The following HSF5 variants were observed in gnomAD, a reference collection of about 807,000 sequenced individuals.
HSF5 encodes heat shock transcription factor 5, also known as heat shock factor protein 5.
A neutral mutation model predicts 50.8 loss-of-function variants in HSF5; 5 were observed. The observed-to-expected ratio is 0.10, with a 90% CI of 0.05 to 0.21. HSF5 has a LOEUF of 0.21. Ranked by LOEUF, HSF5 falls within the 10% of genes least tolerant of loss-of-function variation. The pLI is 1.00. For synonymous variants in HSF5, 307 were observed against 307.4 expected, an observed-to-expected ratio of 1.00 and a Z score of 0.02; for missense variants, 564 against 762.6, an observed-to-expected ratio of 0.74 and a Z score of 3.07.
rs369874522 is a variant in HSF5, at chr17:58,487,855, G to A, written c.420C>T (p.Ala140=). 4.3e-4 allele frequency: 692 copies of A among 1,596,324 alleles called. No individual in the cohort carries two copies. The highest frequency in any genetic ancestry group is 5.3e-4 in the Non-Finnish European group (628 of 1,176,048). Residue 140 remains alanine (A), a synonymous_variant, in exon 1 of 6, where the codon GCC becomes GCT. Transcript: ENST00000323777. ...LTSANKAKLA[A]GLEVPCRPPN... is the part of the protein sequence containing the mutation. The stretch of plus-strand genomic sequence containing the variant: ...GCGGGCGGCAGGGCACCTCCAGGCC[G>A]GCCGCCAGCTTGGCCTTGTTGGCGC...
At chr17:58,478,120 T>C (rs1014346336) in intron 2 of HSF5, among the ~76,000 whole-genome samples, 1 of 151,926 alleles carries the variant, frequency 6.6e-6, no homozygotes, top group African/African-American at 2.4e-5. Context: ...GCCACTGCTG[T>C]TGTGTTTTTG....
intron 2 of HSF5, among the ~76,000 whole-genome samples, chr17:58,471,448 G>C (rs141233111): frequency 6.6e-6 from 1 of 152,058 alleles, no homozygotes; most frequent in African/African-American, 2.4e-5. Flanking sequence ...AGGATTAGAA[G>C]CATAAAGATC....
rs71143248 is a variant in HSF5, at chr17:58,450,022, C to CAA, written c.1720+8744_1720+8745dup. Among the ~76,000 whole-genome samples the CAA allele has an allele frequency of 4.1e-3, 310 of 76,362 alleles. 6 individuals are homozygous for CAA. The highest frequency in any genetic ancestry group is 0.01 in the African/African-American group (185 of 17,678). The allele number at this position is 76,362 out of a possible 152,430, so 50.1% of individuals were successfully genotyped here. A position where few individuals can be genotyped will look rare whatever the true frequency, so the allele number is the denominator to read the frequency against. ...TGGGTGACAGAGCGAGACTCCGTCT[C>CAA]AAAAAAAAAAAAAAAAAAAAAGATA... On this transcript the variant is annotated intron_variant, in intron 5 of 5. Coordinates refer to ENST00000323777, the MANE Select transcript of HSF5 (RefSeq NM_001080439.3).
At chr17:58,431,495 G>A (rs904854777) in intron 5 of HSF5, among the ~76,000 whole-genome samples, 14 of 151,866 alleles carry the variant, frequency 9.2e-5, no homozygotes, top group Admixed American at 6.6e-5. Flanking sequence ...ACAATCTTAC[G>A]GGACCACTGT....
At chr17:58,480,314 C>A in intron 1 of HSF5, 47 bp from the exon 2 acceptor site, 1 of 1,537,944 alleles carries the variant, frequency 6.5e-7, no homozygotes, top group Non-Finnish European at 8.8e-7. Context: ...CATTACATCA[C>A]CAGACATAGT....
chr17:58,467,083 ACTT>A, intron 2 of HSF5, 104 bp from the exon 3 acceptor site: 1 of 715,416 alleles, frequency 1.4e-6, no homozygotes, highest in Non-Finnish European at 2.4e-6. Context: ...AATTTGAAGA[ACTT>A]CTTTTGTATG....
intron 2 of HSF5, among the ~76,000 whole-genome samples, chr17:58,479,206 C>T (rs1975066969): frequency 6.6e-6 from 1 of 152,024 alleles, no homozygotes; most frequent in Middle Eastern, 3.4e-3. Context: ...GAGGTAATCT[C>T]ACCTTAAGAT....
Position 58,444,498 on chromosome 17 carries a change from GA to G in HSF5, c.1720+14269del, listed in dbSNP as rs138454813. Among the ~76,000 whole-genome samples the G allele has an allele frequency of 6.4e-3, 970 of 152,250 alleles. 6 individuals carry two copies. Among genetic ancestry groups the G allele is most frequent in the African/African-American group, 0.022 (907 of 41,542 alleles). Reference sequence around the variant, plus strand: ...CTCTCTATTTAACAAATGGTATTGGGAAAACTGGATATCCACATGCAAAAGA... The same window carrying G: ...CTCTCTATTTAACAAATGGTATTGGGAAACTGGATATCCACATGCAAAAGA... On this transcript the variant is annotated intron_variant, in intron 5 of 5. Transcript: ENST00000323777.
chr17:58,447,862 A>G (rs1301715680), intron 5 of HSF5, among the ~76,000 whole-genome samples: 2 of 152,216 alleles, frequency 1.3e-5, no homozygotes, highest in Non-Finnish European at 1.5e-5. Flanking sequence ...AATATCAAGA[A>G]CATTCATCTG....
chr17:58,436,545 A>AAAC (rs2143739760), intron 5 of HSF5, among the ~76,000 whole-genome samples: 1 of 152,280 alleles, frequency 6.6e-6, no homozygotes, highest in Admixed American at 6.5e-5. Context: ...TTAGAAAAAA[A>AAAC]AAACAACAGG....
In HSF5 at chr17:58,487,725, C is replaced by A. The variant is rs1287716772; in HGVS notation, c.550G>T (p.Gly184Ter). 2 of 1,384,038 alleles carry A rather than the reference C, an allele frequency of 1.4e-6. No individual in the cohort carries two copies. The highest frequency in any genetic ancestry group is 3.4e-5 in the Admixed American group (1 of 29,502). The allele number at this position is 1,384,038 out of a possible 1,614,324, so 85.7% of individuals were successfully genotyped here. The change falls in exon 1 of 6, where the codon GGA (glycine) becomes TGA (stop). Residue 184 changes from glycine (G) to a stop codon, truncating the protein, a stop_gained and splice_region_variant. Coordinates refer to ENST00000323777, the MANE Select transcript of HSF5 (RefSeq NM_001080439.3). LOFTEE classifies it high-confidence loss of function. Reference sequence around the variant, plus strand: ...GAGGGCACGGGCAGTCCGGACTCACCGTGCGGCTCGGGCCGGGGCCCCGCG... The same window carrying A: ...GAGGGCACGGGCAGTCCGGACTCACAGTGCGGCTCGGGCCGGGGCCCCGCG... ...PPAGPRPEPH[G>*]PVAVGQFHRS...
intron 5 of HSF5, among the ~76,000 whole-genome samples, chr17:58,453,193 G>A (rs1974663701): frequency 1.3e-5 from 2 of 152,008 alleles, no homozygotes; most frequent in South Asian, 4.1e-4. Flanking sequence ...ATTCTATAAG[G>A]CCAGCATTAC....
chr17:58,458,489 C>T (rs1974743903), intron 5 of HSF5, among the ~76,000 whole-genome samples: 1 of 152,102 alleles, frequency 6.6e-6, no homozygotes, highest in Non-Finnish European at 1.5e-5. Context: ...CTTGCCTTCT[C>T]CAAGTTAAAT....
chr17:58,486,017 G>A (rs531236204), intron 1 of HSF5, among the ~76,000 whole-genome samples: 69 of 151,714 alleles, frequency 4.5e-4, no homozygotes, highest in Non-Finnish European at 6.9e-4. Context: ...TGCAGTGAGC[G>A]GAGATCTTGC....
chr17:58,469,899 G>A (rs567502338), intron 2 of HSF5, among the ~76,000 whole-genome samples: 2 of 152,112 alleles, frequency 1.3e-5, no homozygotes, highest in Non-Finnish European at 2.9e-5. Context: ...TTAAGCCAGA[G>A]TTACTAAAAA....
At chr17:58,432,932 G>A (rs1313706823) in intron 5 of HSF5, among the ~76,000 whole-genome samples, 2 of 152,270 alleles carry the variant, frequency 1.3e-5, no homozygotes, top group African/African-American at 4.8e-5. Context: ...CTGATGGACT[G>A]GACATGTGAG....
intron 5 of HSF5, among the ~76,000 whole-genome samples, chr17:58,447,851 T>C (rs561393290): frequency 6.8e-4 from 104 of 152,274 alleles, no homozygotes; most frequent in Admixed American, 1.6e-3. Flanking sequence ...AAATGTCCAC[T>C]AATATCAAGA....
At chr17:58,478,006 C>G (rs1158461129) in intron 2 of HSF5, among the ~76,000 whole-genome samples, 2 of 151,878 alleles carry the variant, frequency 1.3e-5, no homozygotes, top group Non-Finnish European at 2.9e-5. Flanking sequence ...TGGAATGCCC[C>G]CTTTCTTCTC....
At chr17:58,486,222 G>A (rs1484171582) in intron 1 of HSF5, among the ~76,000 whole-genome samples, 17 of 151,942 alleles carry the variant, frequency 1.1e-4, no homozygotes, top group Non-Finnish European at 8.8e-5. Context: ...AAAATTAGCC[G>A]GGCATGGTGG....
Sources: gnomAD v4.1 joint callset for allele counts (sites outside exome capture counted in the v4.1 genomes callset) on GRCh38, gnomAD v4.1.1 for gene constraint, MANE v1.5 for transcripts, NCBI Gene and HGNC (gene_info 2026-07-23, HGNC 2026-07-21) for gene names.